PDXDC1: variants seen among roughly 807,000 people sequenced by gnomAD.
PDXDC1 encodes pyridoxal-dependent decarboxylase domain-containing protein 1.
In PDXDC1, 42 loss-of-function variants were observed where a neutral mutation model predicts 100.1. That is an observed-to-expected ratio of 0.42 (90% confidence interval 0.33 to 0.54). PDXDC1 has a LOEUF of 0.54. PDXDC1 is among the 20% of genes least tolerant of loss of function. The pLI, the probability that PDXDC1 is intolerant of heterozygous loss-of-function variation, is 0.10. For missense variants in PDXDC1, 636 were observed against 979.2 expected (o/e 0.65, Z 4.68); for synonymous variants, 260 against 371.7 (o/e 0.70, Z 3.46).
At chr16:15,143,147 C>G (rs943223200), downstream of PDXDC1, among the ~76,000 whole-genome samples, 1 of 152,166 alleles carries the variant, frequency 6.6e-6, no homozygotes, top group African/African-American at 2.4e-5. Context: ...CAGCGCCGAG[C>G]GTCCGATCTG....
At chr16:15,140,309 T>C (rs1342111566), downstream of PDXDC1, among the ~76,000 whole-genome samples, 3 of 147,492 alleles carry the variant, frequency 2.0e-5, no homozygotes, top group African/African-American at 7.5e-5. Context: ...TTGGGCGTGG[T>C]GGCAAGCACC....
chr16:14,993,439 A>G (rs1188241059), intron 1 of PDXDC1, among the ~76,000 whole-genome samples: 2 of 152,260 alleles, frequency 1.3e-5, no homozygotes, highest in African/African-American at 2.4e-5. Flanking sequence ...GATGGTTTCA[A>G]ACTTCATCCA....
rs540742344 is a variant in PDXDC1, at chr16:15,082,529, G to A, written c.1399+52473G>A. On this transcript the variant is annotated intron_variant, in intron 16 of 16. Transcript: ENST00000535621. ...CTCTACCAAAAACACAAAAATTAGC[G>A]GGGTGTGGTGCCCCATGTCTATAGT... Among the ~76,000 whole-genome samples, 85 of 151,912 alleles carry A rather than the reference G, an allele frequency of 5.6e-4. 1 individual carries two copies. In the South Asian group the frequency reaches 0.01, roughly 19 times the overall value.
At chr16:15,131,538 C>T (rs542134441) in intron 16 of PDXDC1, 35 of 1,609,544 alleles carry the variant, frequency 2.2e-5, no homozygotes, top group East Asian at 6.7e-5. Flanking sequence ...TCTCCTCGCC[C>T]GCCAGTGTCA....
intron 16 of PDXDC1, among the ~76,000 whole-genome samples, chr16:15,097,846 A>T (rs2046410814): frequency 6.6e-6 from 1 of 151,990 alleles, no homozygotes; most frequent in Non-Finnish European, 1.5e-5. Flanking sequence ...TTATACTCCT[A>T]AACAATGCAC....
chr16:15,069,702 T>C (rs2045140954), intron 16 of PDXDC1, among the ~76,000 whole-genome samples: 1 of 152,182 alleles, frequency 6.6e-6, no homozygotes, highest in Non-Finnish European at 1.5e-5. Context: ...TACCTGCCAT[T>C]TACTGGGCTG....
intron 16 of PDXDC1, among the ~76,000 whole-genome samples, chr16:15,077,198 C>T (rs1180456149): frequency 4.0e-5 from 6 of 151,740 alleles, no homozygotes; most frequent in African/African-American, 9.7e-5. Context: ...AGGCTGGTCT[C>T]GAACTCCTGA....
intron 16 of PDXDC1, among the ~76,000 whole-genome samples, chr16:15,103,506 AT>A (rs1157747316): frequency 6.6e-6 from 1 of 151,832 alleles, no homozygotes; most frequent in Non-Finnish European, 1.5e-5. Context: ...AGTGATATTT[AT>A]TTTATTTATT....
intron 16 of PDXDC1, among the ~76,000 whole-genome samples, chr16:15,097,074 C>A (rs1038367606): frequency 1.3e-5 from 2 of 151,956 alleles, no homozygotes; most frequent in African/African-American, 4.8e-5. Flanking sequence ...CCAGCCCAGG[C>A]AACACAGCCA....
At chr16:15,011,631 C>CTTTTTTTTTTTTTTTTTTTTTTTT in intron 8 of PDXDC1, among the ~76,000 whole-genome samples, 110 of 131,264 alleles carry the variant, frequency 8.4e-4, no homozygotes, top group Non-Finnish European at 1.2e-3. Context: ...ACATTTTTTT[C>CTTTTTTTTTTTTTTTTTTTTTTTT]TTTTTTTTTT....
At chr16:15,086,759 T>C (rs1306769322) in intron 16 of PDXDC1, among the ~76,000 whole-genome samples, 2 of 152,196 alleles carry the variant, frequency 1.3e-5, no homozygotes, top group African/African-American at 4.8e-5. Flanking sequence ...CTGGGACTTT[T>C]AAAAACTGCA....
intron 16 of PDXDC1, among the ~76,000 whole-genome samples, chr16:15,099,694 T>A (rs2046476289): frequency 6.6e-6 from 1 of 152,148 alleles, no homozygotes; most frequent in Non-Finnish European, 1.5e-5. Context: ...ATTAACATGC[T>A]ATCTGCAAAG....
chr16:15,004,095 G>T, intron 4 of PDXDC1, 92 bp from the exon 5 acceptor site: 10 of 1,203,062 alleles, frequency 8.3e-6, no homozygotes, highest in Non-Finnish European at 1.2e-5. Context: ...AGTAGATTTC[G>T]AGTCTGACAG....
At chr16:15,124,108 T>C (rs186510329) in intron 16 of PDXDC1, among the ~76,000 whole-genome samples, 9 of 152,252 alleles carry the variant, frequency 5.9e-5, no homozygotes, top group South Asian at 4.1e-4. Flanking sequence ...AGAAACAAAG[T>C]TCATCAGCTT....
intron 1 of PDXDC1, among the ~76,000 whole-genome samples, chr16:14,977,803 A>G (rs1967038564): frequency 6.6e-6 from 1 of 152,280 alleles, no homozygotes; most frequent in Admixed American, 6.5e-5. Context: ...CATTGTTAAT[A>G]TAAACTCAAG....
intron 16 of PDXDC1, among the ~76,000 whole-genome samples, chr16:15,122,817 TGGGGAG>T (rs1295634437): frequency 4.5e-5 from 1 of 22,398 alleles, no homozygotes; most frequent in Non-Finnish European, 8.8e-5. Flanking sequence ...GGATCTGAGT[TGGGGAG>T]GGGGAGGGGA....
At chr16:15,069,950 G>A in intron 16 of PDXDC1, 1 of 1,454,412 alleles carries the variant, frequency 6.9e-7, no homozygotes, top group Non-Finnish European at 9.4e-7. Flanking sequence ...AAAAGTTTGA[G>A]TGCACATGCA....
At chr16:15,045,522 A>G (rs1318553022) in intron 16 of PDXDC1, 2 of 151,640 alleles carry the variant, frequency 1.3e-5, no homozygotes, top group Middle Eastern at 3.2e-3. Context: ...CTCTATTCCC[A>G]GCTACGCGGG....
Position 15,130,384 on chromosome 16 carries a change from A to G in PDXDC1, c.1400-8495A>G, listed in dbSNP as rs550507063. On this transcript the variant is annotated intron_variant, in intron 16 of 16. Transcript: ENST00000535621. ...CACAGGGACGTGTACAGGCCCACGGACACCTCCAGCGCCGACAGGCGGAAG... is the reference window on the plus strand; with the variant it reads ...CACAGGGACGTGTACAGGCCCACGGGCACCTCCAGCGCCGACAGGCGGAAG... 1.0e-5 allele frequency: 16 copies of G among 1,578,562 alleles called. No homozygotes were observed. In the South Asian group the frequency reaches 1.7e-4, roughly 17 times the overall value.
Sources: gnomAD v4.1 joint callset for allele counts (sites outside exome capture counted in the v4.1 genomes callset) on GRCh38, gnomAD v4.1.1 for gene constraint, MANE v1.5 for transcripts, NCBI Gene and HGNC (gene_info 2026-07-23, HGNC 2026-07-21) for gene names.